PITPNM2: variants seen among roughly 807,000 people sequenced by gnomAD.
The protein encoded by PITPNM2 is membrane-associated phosphatidylinositol transfer protein 2.
In PITPNM2, 35 loss-of-function variants were observed where a neutral mutation model predicts 132.2. That is an observed-to-expected ratio of 0.26 (90% CI 0.20 to 0.35). The LOEUF (loss-of-function observed/expected upper bound fraction) is 0.35. Ranked by LOEUF, PITPNM2 falls within the 10% of genes least tolerant of loss-of-function variation. PITPNM2 has a pLI of 1.00. For synonymous variants in PITPNM2, 738 were observed against 799.2 expected, an observed-to-expected ratio of 0.92 and a Z score of 1.29; for missense variants, 1,332 against 1,912.0, an observed-to-expected ratio of 0.70 and a Z score of 5.66.
rs2037886317 is a variant in PITPNM2 at position 122,985,211 on chromosome 12, A to G, written c.*816T>C. The G allele has an allele frequency of 1.3e-5, 2 of 152,448 alleles. No homozygotes were observed. Among genetic ancestry groups the G allele is most frequent in the Non-Finnish European group, 2.9e-5 (2 of 68,056 alleles). The allele number at this position is 152,448 out of a possible 1,614,324, so 9.4% of individuals were successfully genotyped here. A position where few individuals can be genotyped will look rare whatever the true frequency, so the allele number is the denominator to read the frequency against. On this transcript the variant is annotated 3_prime_UTR_variant, in exon 26 of 26. Coordinates refer to ENST00000320201, the MANE Select transcript of PITPNM2 (RefSeq NM_020845.3). ...GGAAGCAGCCAAGGATTGCTCGTTTAAAAAAACCTCATAGAAATCAGATTG... is the reference window on the plus strand; with the variant it reads ...GGAAGCAGCCAAGGATTGCTCGTTTGAAAAAACCTCATAGAAATCAGATTG...
At chr12:123,136,637 C>A (rs1010419899) in intron 1 of PITPNM2, among the ~76,000 whole-genome samples, 4 of 152,184 alleles carry the variant, frequency 2.6e-5, no homozygotes, top group African/African-American at 7.2e-5. Flanking sequence ...GTGGCTCACA[C>A]CTGTAATCCC....
chr12:123,102,230 T>C (rs2042579577), intron 2 of PITPNM2, among the ~76,000 whole-genome samples: 1 of 152,116 alleles, frequency 6.6e-6, no homozygotes, highest in Non-Finnish European at 1.5e-5. Context: ...ACATGTGCTG[T>C]GGGGGAAGAT....
intron 2 of PITPNM2, among the ~76,000 whole-genome samples, chr12:123,080,011 T>C (rs1303346915): frequency 6.6e-6 from 1 of 152,240 alleles, no homozygotes; most frequent in Non-Finnish European, 1.5e-5. Context: ...TTCATATAAA[T>C]GGACTCATAA....
Position 123,130,438 on chromosome 12 carries a change from C to G in PITPNM2, c.-199-19950G>C, listed in dbSNP as rs1028182891. 2.0e-5 allele frequency among the ~76,000 whole-genome samples: 3 copies of G among 152,126 alleles called. No individual in the cohort carries two copies. In the South Asian group the frequency reaches 6.2e-4, roughly 32 times the overall value. ...GGCAGGGTCATTTGCCCAAGGCCAC[C>G]GAGCCATCCTTGTGTCCTTCTTGGC... On this transcript the variant is annotated intron_variant, in intron 1 of 25. Transcript: ENST00000320201.
rs1353183502 is a variant in PITPNM2, at chr12:122,997,479, C to T, written c.1318G>A (p.Gly440Arg). The change falls in exon 11 of 26, where the codon GGG (glycine) becomes AGG (arginine). Residue 440 changes from glycine to arginine, a missense_variant. Physicochemically the swap from Gly to Arg is moderately radical, Grantham distance 125. Transcript: ENST00000320201. ...HGGTILDTGA[G>R]DPSSKKGDAN... ...TCGCCCTTCTTGGAGCTGGGGTCCC[C>T]GGCGCCTGTGTCCAGGATGGTGCCT... 18 of 1,613,492 alleles carry T rather than the reference C, an allele frequency of 1.1e-5. No homozygotes were observed. The highest frequency in any genetic ancestry group is 2.2e-5 in the South Asian group (2 of 91,084).
chr12:123,054,893 A>C (rs1383510099), intron 2 of PITPNM2, among the ~76,000 whole-genome samples: 1 of 152,092 alleles, frequency 6.6e-6, no homozygotes, highest in Non-Finnish European at 1.5e-5. Context: ...GTGAAAACCC[A>C]TCTCTACTAA....
chr12:123,007,459 C>A (rs1191269588), intron 6 of PITPNM2: 1 of 455,346 alleles, frequency 2.2e-6, no homozygotes, highest in Admixed American at 2.4e-5. Flanking sequence ...GCATGTACCC[C>A]CGCCTCCCCT....
intron 1 of PITPNM2, among the ~76,000 whole-genome samples, chr12:123,121,612 T>C (rs1267830848): frequency 6.6e-6 from 1 of 152,152 alleles, no homozygotes; most frequent in Non-Finnish European, 1.5e-5. Context: ...AGGGGCATGA[T>C]TACAGCTCAT....
intron 2 of PITPNM2, chr12:123,087,162 C>T (rs1199411418): frequency 6.6e-6 from 1 of 152,244 alleles, no homozygotes; most frequent in Non-Finnish European, 1.5e-5. Context: ...TTATGGGAGA[C>T]TCTGTGTACC....
rs2136194731 is a variant in PITPNM2, at chr12:123,005,141, G to A, written c.952+99C>T. On this transcript the variant is annotated intron_variant, in intron 7 of 25. Coordinates refer to ENST00000320201, the MANE Select transcript of PITPNM2 (RefSeq NM_020845.3). This position sits in a 1 kb window ranked among gnomAD's most constrained non-coding sequence, Gnocchi z 6.2. ...CTGGGCTTGGTGCCTCAATGTCCAT[G>A]GGAAAGAACTCTGAGGAGGTGCAGT... 1 of 1,401,944 alleles carries A rather than the reference G, an allele frequency of 7.1e-7. No homozygotes were observed. The highest frequency in any genetic ancestry group is 9.7e-7 in the Non-Finnish European group (1 of 1,026,950). 86.8% of individuals were successfully genotyped at this position (1,401,944 alleles called of 1,614,324 possible). A position where few individuals can be genotyped will look rare whatever the true frequency, so the allele number is the denominator to read the frequency against.
chr12:123,070,593 T>C (rs1056941242), intron 2 of PITPNM2, among the ~76,000 whole-genome samples: 1 of 152,200 alleles, frequency 6.6e-6, no homozygotes, highest in Non-Finnish European at 1.5e-5. Flanking sequence ...CCAGCTCCAC[T>C]GGCTGCCCTG....
At chr12:122,996,628 A>G (rs775123990) in intron 12 of PITPNM2, 51 bp from the exon 13 acceptor site, 2 of 1,612,148 alleles carry the variant, frequency 1.2e-6, no homozygotes, top group Admixed American at 3.3e-5. Context: ...TCGCTGGACT[A>G]TAGGCTGGGG....
intron 1 of PITPNM2, among the ~76,000 whole-genome samples, chr12:123,127,852 G>T (rs965976811): frequency 4.6e-5 from 7 of 151,878 alleles, no homozygotes; most frequent in Non-Finnish European, 8.8e-5. Flanking sequence ...CTCGTGATCC[G>T]CCCGCCTTGG....
rs147728046 is a variant in PITPNM2, at chr12:123,077,655, T to G, written c.-96+32730A>C. 2.7e-4 allele frequency among the ~76,000 whole-genome samples: 41 copies of G among 152,268 alleles called. No individual in the cohort carries two copies. The highest frequency in any genetic ancestry group is 9.4e-4 in the African/African-American group (39 of 41,554). ...CCCTCTGAGTTCTGAGCATGCCAGGTGAGGCCTCTCCCTCTCTCTCTCCCT... is the reference window on the plus strand; with the variant it reads ...CCCTCTGAGTTCTGAGCATGCCAGGGGAGGCCTCTCCCTCTCTCTCTCCCT... On this transcript the variant is annotated intron_variant, in intron 2 of 25. Coordinates refer to ENST00000320201, the MANE Select transcript of PITPNM2 (RefSeq NM_020845.3). The surrounding 1 kb of genome is among the most constrained non-coding windows in gnomAD (Gnocchi z 4.8).
intron 16 of PITPNM2, chr12:122,991,721 G>A (rs1035544390): frequency 1.5e-6 from 2 of 1,294,394 alleles, no homozygotes; most frequent in African/African-American, 3.0e-5. Flanking sequence ...AACCAACGAA[G>A]CAGACGTCAC....
rs563044436 is a variant in PITPNM2, at chr12:123,103,056, TG to T, written c.-96+7328del. The stretch of plus-strand genomic sequence containing the variant: ...CTCCCACCTCAGCCTCCTGAGTAGC[TG>T]GGACTACAGGTACATACCACCACAC... On this transcript the variant is annotated intron_variant, in intron 2 of 25. Transcript: ENST00000320201. Among the ~76,000 whole-genome samples the T allele has an allele frequency of 2.7e-3, 418 of 152,330 alleles. 4 individuals are homozygous for T. The highest frequency in any genetic ancestry group is 5.0e-3 in the Admixed American group (76 of 15,296).
intron 2 of PITPNM2, among the ~76,000 whole-genome samples, chr12:123,070,233 C>T (rs2041582818): frequency 6.6e-6 from 1 of 152,198 alleles, no homozygotes; most frequent in Non-Finnish European, 1.5e-5. Flanking sequence ...GGAGCAGGGA[C>T]TGGGCCCTGA....
intron 2 of PITPNM2, among the ~76,000 whole-genome samples, chr12:123,067,623 C>T (rs1324296676): frequency 6.6e-6 from 1 of 152,186 alleles, no homozygotes; most frequent in Non-Finnish European, 1.5e-5. Flanking sequence ...CTGCAAGAGG[C>T]AAGGAAGGAT....
chr12:122,995,628 C>A lies in PITPNM2; in HGVS notation c.1815G>T (p.Met605Ile). 6.2e-7 allele frequency: 1 copy of A among 1,602,784 alleles called. No homozygotes were observed. The highest frequency in any genetic ancestry group is 8.5e-7 in the Non-Finnish European group (1 of 1,178,690). The change falls in exon 14 of 26, where the codon ATG (methionine) becomes ATT (isoleucine). Residue 605 changes from methionine to isoleucine, a missense_variant. Physicochemically the swap from Met to Ile is conservative, Grantham distance 10. This residue lies in a region of PITPNM2 where 710 missense variants were observed against 911.5 expected (regional missense o/e 0.78). Coordinates refer to ENST00000320201, the MANE Select transcript of PITPNM2 (RefSeq NM_020845.3). ...CACCACCGCAGCAGTGTGCTGCATTCATCAGGATGCCCGGGGACAGCAGGT... is the reference window on the plus strand; with the variant it reads ...CACCACCGCAGCAGTGTGCTGCATTAATCAGGATGCCCGGGGACAGCAGGT... Reference protein sequence around the residue: ...DNDLLSPGILMNAAHCCGGGG... With the variant: ...DNDLLSPGILINAAHCCGGGG...
Sources: gnomAD v4.1 joint callset for allele counts (sites outside exome capture counted in the v4.1 genomes callset) on GRCh38, gnomAD v4.1.1 for gene constraint, gnomAD v4.1.1 regional missense constraint, Gnocchi (gnomAD v3.1) non-coding constraint, MANE v1.5 for transcripts, NCBI Gene and HGNC (gene_info 2026-07-23, HGNC 2026-07-21) for gene names.